The following KDM4C variants were observed in gnomAD, a reference collection of about 807,000 sequenced individuals.
The protein encoded by KDM4C is lysine-specific demethylase 4C.
KDM4C carries 81 observed loss-of-function variants against 129.3 expected under a neutral mutation model. The ratio of observed to expected loss-of-function variants is 0.63; its 90% CI spans 0.52 to 0.75. The LOEUF (loss-of-function observed/expected upper bound fraction) is 0.75, where lower values mean the gene tolerates loss of function less well. Among genes scored for constraint, KDM4C ranks in the 30% least tolerant of loss-of-function variants. The pLI is 0.00. For synonymous variants in KDM4C, 573 were observed against 456.1 expected (o/e 1.26, Z -3.26); for missense variants, 1,457 against 1,304.0 (o/e 1.12, Z -1.81).
At chr9:6,780,022 C>T (rs1178087379) in intron 1 of KDM4C, among the ~76,000 whole-genome samples, 1 of 152,152 alleles carries the variant, frequency 6.6e-6, no homozygotes, top group African/African-American at 2.4e-5. Context: ...TACTGGCCTA[C>T]TATAGTAGCT....
rs563216335 is a variant in KDM4C at position 7,031,127 on chromosome 9, C to CTTGTTTGTTTGT, written c.2259+15204_2259+15205insGTTTGTTTGTTT. On this transcript the variant is annotated intron_variant, in intron 15 of 21. Coordinates refer to ENST00000381309, the MANE Select transcript of KDM4C (RefSeq NM_015061.6). ...TGTATTCATTGTGTCCTTTATTTTA[C>CTTGTTTGTTTGT]TTGTTTATTTATTTATTTATTTATT... 6.6e-3 allele frequency among the ~76,000 whole-genome samples: 912 copies of CTTGTTTGTTTGT among 138,380 alleles called. 10 individuals carry two copies. The highest frequency in any genetic ancestry group is 0.022 in the African/African-American group (809 of 36,772). The allele number at this position is 138,380 out of a possible 152,430, so 90.8% of individuals were successfully genotyped here.
At chr9:6,730,639 T>C (rs956988697) in intron 1 of KDM4C, among the ~76,000 whole-genome samples, 3 of 150,594 alleles carry the variant, frequency 2.0e-5, no homozygotes, top group African/African-American at 7.3e-5. Context: ...GTAATAATAA[T>C]AATAATTTAA....
In KDM4C at chr9:6,986,618, A is replaced by T. The variant is rs752546907; in HGVS notation, c.1629A>T (p.Glu543Asp). ...ATGGGAATGGCCTTGAACCTGGGGA[A>T]ATCCCAGCGGTCCCCAGTGGAGAGA... ...ESHGNGLEPG[E>D]IPAVPSGERN... Residue 543 changes from glutamate to aspartate, a missense_variant, in exon 11 of 22, where the codon GAA becomes GAT. By Grantham distance (45) the Glu-to-Asp change is conservative (BLOSUM62 2). Coordinates refer to ENST00000381309, the MANE Select transcript of KDM4C (RefSeq NM_015061.6). 1.9e-6 allele frequency: 3 copies of T among 1,613,810 alleles called. No homozygotes were observed. In the South Asian group the frequency reaches 3.3e-5, roughly 18 times the overall value.
intron 2 of KDM4C, among the ~76,000 whole-genome samples, chr9:6,801,491 C>A (rs1390446765): frequency 2.6e-5 from 4 of 151,340 alleles, no homozygotes; most frequent in Non-Finnish European, 5.9e-5. Context: ...CCCGCCTTGG[C>A]CTCCCAAAGT....
rs201328366 is a variant in KDM4C, at chr9:7,126,852, T to TA, written c.2611-1204dup. Reference sequence around the variant, plus strand: ...AGACAAGATAGTAAAGAACTGCTGTTAAAAAAAAAAGAAAAGAAAAAGAAA... The same window carrying TA: ...AGACAAGATAGTAAAGAACTGCTGTTAAAAAAAAAAAGAAAAGAAAAAGAAA... On this transcript the variant is annotated intron_variant, in intron 18 of 21. Transcript: ENST00000381309. Among the ~76,000 whole-genome samples the TA allele has an allele frequency of 2.8e-3, 412 of 146,508 alleles. 3 individuals are homozygous for TA. The highest frequency in any genetic ancestry group is 7.8e-3 in the African/African-American group (313 of 39,948).
rs182574472 is a variant in KDM4C, at chr9:6,928,328, T to C, written c.921+35096T>C. 1.0e-3 allele frequency among the ~76,000 whole-genome samples: 159 copies of C among 152,350 alleles called. 1 individual carries two copies. Among genetic ancestry groups the C allele is most frequent in the African/African-American group, 3.5e-3 (145 of 41,576 alleles). The stretch of plus-strand genomic sequence containing the variant: ...ACTCGCCCCTCTTTCTTTACCTTCT[T>C]TATGTGGTCGTTTGTCTTCCTTATA... On this transcript the variant is annotated intron_variant, in intron 8 of 21. Coordinates refer to ENST00000381309, the MANE Select transcript of KDM4C (RefSeq NM_015061.6).
At chr9:7,071,298 T>G (rs975312788) in intron 17 of KDM4C, among the ~76,000 whole-genome samples, 3 of 152,160 alleles carry the variant, frequency 2.0e-5, no homozygotes, top group African/African-American at 7.2e-5. Context: ...TAGAAAATGA[T>G]AATCGAATTC....
chr9:6,925,014 T>G (rs1822221331), intron 8 of KDM4C: 2 of 985,410 alleles, frequency 2.0e-6, no homozygotes, highest in Non-Finnish European at 2.4e-6. Flanking sequence ...GGCTTCCTAC[T>G]TCTGAAGTTC....
At chr9:7,113,662 C>G (rs1354903662) in intron 18 of KDM4C, among the ~76,000 whole-genome samples, 3 of 152,188 alleles carry the variant, frequency 2.0e-5, no homozygotes, top group African/African-American at 7.2e-5. Flanking sequence ...TTAACGTGAT[C>G]TTGGAAAGAT....
At chr9:6,957,137 A>G (rs1488992090) in intron 8 of KDM4C, among the ~76,000 whole-genome samples, 1 of 152,200 alleles carries the variant, frequency 6.6e-6, no homozygotes, top group East Asian at 1.9e-4. Flanking sequence ...GAGGTAGAAA[A>G]TAATGACTCT....
intron 4 of KDM4C, among the ~76,000 whole-genome samples, chr9:6,833,058 G>A (rs536073486): frequency 2.0e-5 from 3 of 151,988 alleles, no homozygotes; most frequent in Admixed American, 2.0e-4. Context: ...AGATTATTGT[G>A]TTTTAAATTT....
intron 17 of KDM4C, among the ~76,000 whole-genome samples, chr9:7,064,560 A>G (rs1257320169): frequency 6.6e-6 from 1 of 152,200 alleles, no homozygotes; most frequent in Non-Finnish European, 1.5e-5. Context: ...CGACAGAATA[A>G]AGCCAAGGTC....
chr9:6,831,706 T>A (rs536258886), intron 4 of KDM4C, among the ~76,000 whole-genome samples: 1 of 152,236 alleles, frequency 6.6e-6, no homozygotes, highest in South Asian at 2.1e-4. Flanking sequence ...CATGTCTGAA[T>A]GTCTCATGGA....
At chr9:6,954,805 C>A (rs1055751122) in intron 8 of KDM4C, among the ~76,000 whole-genome samples, 1 of 152,136 alleles carries the variant, frequency 6.6e-6, no homozygotes, top group Non-Finnish European at 1.5e-5. Context: ...GTACCCACTC[C>A]CTATTTCATG....
At chr9:7,071,284 A>G (rs1174571839) in intron 17 of KDM4C, among the ~76,000 whole-genome samples, 4 of 152,226 alleles carry the variant, frequency 2.6e-5, no homozygotes, top group African/African-American at 9.6e-5. Context: ...AGCAGGATTT[A>G]CTATAGAAAA....
chr9:6,814,148 G>A (rs1282229883), intron 3 of KDM4C, among the ~76,000 whole-genome samples: 1 of 151,944 alleles, frequency 6.6e-6, no homozygotes, highest in Non-Finnish European at 1.5e-5. Flanking sequence ...TGTCTAAGAG[G>A]TGTCATTATT....
At chr9:7,066,388 G>C (rs1467015772) in intron 17 of KDM4C, among the ~76,000 whole-genome samples, 1 of 152,184 alleles carries the variant, frequency 6.6e-6, no homozygotes, top group Non-Finnish European at 1.5e-5. Context: ...GAAGGCACAA[G>C]AGAAGGGCTA....
chr9:6,947,813 G>T (rs1172662628), intron 8 of KDM4C, among the ~76,000 whole-genome samples: 1 of 145,242 alleles, frequency 6.9e-6, no homozygotes, highest in Non-Finnish European at 1.5e-5. Context: ...TGGGTGTGTG[G>T]CTTGTTCCTT....
intron 17 of KDM4C, among the ~76,000 whole-genome samples, chr9:7,070,061 A>G (rs1301967377): frequency 6.6e-6 from 1 of 152,218 alleles, no homozygotes; most frequent in East Asian, 1.9e-4. Flanking sequence ...CAGGGGGAAA[A>G]GGGAACAACA....
Sources: allele counts gnomAD v4.1 joint callset (sites outside exome capture counted in the v4.1 genomes callset), GRCh38; gene constraint gnomAD v4.1.1; transcripts MANE v1.5; gene names NCBI Gene and HGNC (gene_info 2026-07-23, HGNC 2026-07-21).